The following LRP1B variants were observed in gnomAD, a reference collection of about 807,000 sequenced individuals.
The protein encoded by LRP1B is LDL receptor related protein 1B.
LRP1B carries 217 observed loss-of-function variants against 556.6 expected under a neutral mutation model. The observed-to-expected ratio is 0.39, with a 90% CI of 0.35 to 0.44. LRP1B has a LOEUF of 0.44. Among genes scored for constraint, LRP1B ranks in the 20% least tolerant of loss-of-function variants. The probability of loss-of-function intolerance (pLI) is 1.00; values close to 1 mark genes in which losing one functional copy is unlikely to be tolerated. For synonymous variants in LRP1B, 2,047 were observed against 1,865.8 expected, an observed-to-expected ratio of 1.10 and a Z score of -2.50; for missense variants, 5,053 against 5,620.8, an observed-to-expected ratio of 0.90 and a Z score of 3.23.
rs1311055796 is a variant in LRP1B, at chr2:141,515,298, G to A, written c.206-34765C>T. ...GCCTGGGCAACAAGAGTGGAACTCC[G>A]TCAAAAGAAAAAAAAAAAAGAAGTA... is the stretch of plus-strand genomic sequence containing the variant. On this transcript the variant is annotated intron_variant, in intron 2 of 90. Coordinates refer to ENST00000389484, the MANE Select transcript of LRP1B (RefSeq NM_018557.3). Among the ~76,000 whole-genome samples the A allele has an allele frequency of 2.2e-4, 32 of 142,430 alleles. No individual in the cohort carries two copies. The East Asian group carries it at 3.1e-3, about 14-fold the overall frequency. 93.4% of individuals were successfully genotyped at this position (142,430 alleles called of 152,430 possible). A position where few individuals can be genotyped will look rare whatever the true frequency, so the allele number is the denominator to read the frequency against.
At chr2:140,773,387 T>C (rs1689384392) in intron 33 of LRP1B, among the ~76,000 whole-genome samples, 1 of 152,078 alleles carries the variant, frequency 6.6e-6, no homozygotes, top group African/African-American at 2.4e-5. Context: ...GAGAACTGCT[T>C]GAACCCAGGA....
intron 6 of LRP1B, among the ~76,000 whole-genome samples, chr2:141,199,884 C>T (rs754808957): frequency 4.6e-5 from 7 of 152,116 alleles, no homozygotes; most frequent in Non-Finnish European, 1.0e-4. Context: ...TACCATCTCA[C>T]ATCAATCAGA....
At chr2:140,950,148 T>G in intron 20 of LRP1B, 87 bp downstream of exon 20, 1 of 1,017,720 alleles carries the variant, frequency 9.8e-7, no homozygotes, top group Non-Finnish European at 1.4e-6. Context: ...CAATTTCTTT[T>G]TATACAATAT....
chr2:140,300,572 AAAG>A (rs1683780010), intron 83 of LRP1B, among the ~76,000 whole-genome samples: 1 of 152,190 alleles, frequency 6.6e-6, no homozygotes, highest in African/African-American at 2.4e-5. Flanking sequence ...TGACATTAGG[AAAG>A]AAGGGGAGGC....
chr2:141,023,219 A>C (rs1234740751), intron 11 of LRP1B, among the ~76,000 whole-genome samples: 1 of 151,882 alleles, frequency 6.6e-6, no homozygotes, highest in African/African-American at 2.4e-5. Flanking sequence ...GTAATTTCAA[A>C]ATAACTTATA....
At chr2:141,286,722 TA>T (rs2105399919) in intron 3 of LRP1B, 1 of 447,374 alleles carries the variant, frequency 2.2e-6, no homozygotes, top group African/African-American at 2.0e-5. Context: ...TAAATCATAT[TA>T]TTCAATGAAT....
intron 15 of LRP1B, among the ~76,000 whole-genome samples, chr2:141,003,572 G>T (rs1176474425): frequency 6.6e-6 from 1 of 151,936 alleles, no homozygotes; most frequent in Non-Finnish European, 1.5e-5. Flanking sequence ...TAAAAACAGG[G>T]ATTTCCCTGC....
intron 3 of LRP1B, among the ~76,000 whole-genome samples, chr2:141,294,463 C>T (rs1210227812): frequency 6.6e-6 from 1 of 151,960 alleles, no homozygotes; most frequent in African/African-American, 2.4e-5. Flanking sequence ...TGGCTCATGC[C>T]TGTAATCCTA....
chr2:140,517,119 T>G, intron 49 of LRP1B, 108 bp from the exon 50 acceptor site: 1 of 760,182 alleles, frequency 1.3e-6, no homozygotes, highest in South Asian at 1.7e-5. Flanking sequence ...ACAAGTAAGC[T>G]TAAAAATAGC....
chr2:141,992,968 C>T (rs765840973), intron 1 of LRP1B, among the ~76,000 whole-genome samples: 3 of 152,114 alleles, frequency 2.0e-5, no homozygotes, highest in Non-Finnish European at 4.4e-5. Flanking sequence ...TGCTGGGTGG[C>T]TGAATTTTCC....
chr2:141,408,667 C>A (rs1404723978), intron 3 of LRP1B, among the ~76,000 whole-genome samples: 2 of 116,460 alleles, frequency 1.7e-5, no homozygotes, highest in Non-Finnish European at 3.5e-5. Flanking sequence ...TTTGTTCTCA[C>A]AATAAATTTA....
intron 35 of LRP1B, among the ~76,000 whole-genome samples, chr2:140,728,788 T>G (rs1001950111): frequency 6.6e-6 from 1 of 152,110 alleles, no homozygotes; most frequent in African/African-American, 2.4e-5. Flanking sequence ...TTCTGGTATC[T>G]TGAGTTAAAA....
chr2:141,273,649 T>C (rs543141570), intron 3 of LRP1B, among the ~76,000 whole-genome samples: 46 of 152,248 alleles, frequency 3.0e-4, no homozygotes, highest in African/African-American at 9.9e-4. Context: ...TGTGAGTAAA[T>C]CCTTGTTTCC....
chr2:140,254,060 A>T (rs1681568483), intron 86 of LRP1B, among the ~76,000 whole-genome samples: 2 of 152,164 alleles, frequency 1.3e-5, no homozygotes, highest in African/African-American at 4.8e-5. Context: ...GAGAGTAAAC[A>T]ATAAAGATTT....
chr2:140,463,494 C>G (rs1157928143), intron 60 of LRP1B, among the ~76,000 whole-genome samples: 2 of 152,274 alleles, frequency 1.3e-5, no homozygotes, highest in South Asian at 4.1e-4. Context: ...CCTGCTTACC[C>G]TTTAATGCAA....
chr2:140,794,399 T>C (rs1206621876), intron 32 of LRP1B, among the ~76,000 whole-genome samples: 1 of 150,590 alleles, frequency 6.6e-6, no homozygotes, highest in African/African-American at 2.5e-5. Flanking sequence ...GATGGTAAAA[T>C]AAAATATGAG....
intron 66 of LRP1B, among the ~76,000 whole-genome samples, chr2:140,422,253 C>T (rs148963887): frequency 2.6e-4 from 39 of 151,998 alleles, no homozygotes; most frequent in African/African-American, 8.2e-4. Flanking sequence ...TATACGACAC[C>T]GAAAATCTGG....
intron 7 of LRP1B, among the ~76,000 whole-genome samples, chr2:141,107,506 C>T (rs1220228439): frequency 6.6e-6 from 1 of 151,984 alleles, no homozygotes; most frequent in African/African-American, 2.4e-5. Flanking sequence ...ATTAGCTGGA[C>T]ATGGTGGTGT....
At chr2:140,650,413 ATCTCGGC>A (rs1357637071) in intron 41 of LRP1B, among the ~76,000 whole-genome samples, 2 of 151,356 alleles carry the variant, frequency 1.3e-5, no homozygotes, top group African/African-American at 4.9e-5. Context: ...CAGTGGCACA[ATCTCGGC>A]TCACTGCAAC....
Sources: allele counts gnomAD v4.1 joint callset (sites outside exome capture counted in the v4.1 genomes callset), GRCh38; gene constraint gnomAD v4.1.1; transcripts MANE v1.5; gene names NCBI Gene and HGNC (gene_info 2026-07-23, HGNC 2026-07-21).